The following GATC variants were observed in gnomAD, a reference collection of about 807,000 sequenced individuals.
GATC encodes glutamyl-tRNA amidotransferase subunit C.
Under a neutral mutation model 14.4 loss-of-function variants are expected in GATC, and 11 were observed. That is an observed-to-expected ratio of 0.77 (90% CI 0.48 to 1.27). The LOEUF is 1.27. Among genes scored for constraint, GATC ranks in the 50% most tolerant of loss-of-function variants. The pLI is 0.00. For missense variants in GATC, 204 were observed against 183.0 expected (o/e 1.11, Z -0.66); for synonymous variants, 76 against 79.3 (o/e 0.96, Z 0.22).
At chr12:120,458,097 A>G (rs1041754406) in intron 3 of GATC, among the ~76,000 whole-genome samples, 2 of 138,864 alleles carry the variant, frequency 1.4e-5, no homozygotes, top group Non-Finnish European at 3.2e-5. Context: ...ATATTTCTTA[A>G]ATTTTTTTTT....
intron 2 of GATC, among the ~76,000 whole-genome samples, chr12:120,456,407 T>C (rs970246301): frequency 3.3e-5 from 5 of 152,196 alleles, no homozygotes; most frequent in African/African-American, 1.2e-4. Context: ...GTGTATCAGA[T>C]TGGGCTGAGA....
At chr12:120,451,173 G>A (rs866667904) in intron 2 of GATC, among the ~76,000 whole-genome samples, 3 of 142,222 alleles carry the variant, frequency 2.1e-5, no homozygotes, top group South Asian at 4.5e-4. Context: ...TAGACTGGGC[G>A]CGGTGGCTCA....
Position 120,462,753 on chromosome 12 carries a change from A to T in GATC, c.*2794A>T, listed in dbSNP as rs570172418. ...GGAATTAATAAGCAGCAGAGGAGTC[A>T]TGTCCAGGCTGGCTTGTCCCCAGGC... is the stretch of plus-strand genomic sequence containing the variant. On this transcript the variant is annotated 3_prime_UTR_variant, in exon 4 of 4. Coordinates refer to ENST00000551765, the MANE Select transcript of GATC (RefSeq NM_176818.3). 2 of 152,248 alleles carry T rather than the reference A, an allele frequency of 1.3e-5. No individual in the cohort carries two copies. Among genetic ancestry groups the T allele is most frequent in the Non-Finnish European group, 2.9e-5 (2 of 68,068 alleles). 9.4% of individuals were successfully genotyped at this position (152,248 alleles called of 1,614,324 possible). A position where few individuals can be genotyped will look rare whatever the true frequency, so the allele number is the denominator to read the frequency against.
intron 3 of GATC, 38 bp from the exon 4 acceptor site, chr12:120,459,869 C>G (rs770396038): frequency 6.7e-5 from 104 of 1,560,512 alleles, no homozygotes; most frequent in Non-Finnish European, 8.7e-5. Context: ...CAAAAACAAA[C>G]AAACAAACAA....
intron 3 of GATC, 104 bp from the exon 4 acceptor site, chr12:120,459,803 G>C (rs532310917): frequency 1.3e-6 from 1 of 744,460 alleles, no homozygotes; most frequent in East Asian, 3.2e-5. Context: ...CCTGCAGTGA[G>C]CTGAGATTGC....
intron 3 of GATC, 138 bp downstream of exon 3, chr12:120,457,317 G>T: frequency 1.4e-6 from 1 of 694,548 alleles, no homozygotes. Flanking sequence ...CATTAAGGTG[G>T]CAGTAGGGTC....
intron 2 of GATC, among the ~76,000 whole-genome samples, chr12:120,448,691 G>T (rs1439704159): frequency 7.5e-6 from 1 of 134,014 alleles, no homozygotes; most frequent in Non-Finnish European, 1.5e-5. Context: ...TTCCACCCAG[G>T]CTGGAGTACA....
chr12:120,453,815 CAA>C (rs1194329326), intron 2 of GATC, among the ~76,000 whole-genome samples: 1 of 136,434 alleles, frequency 7.3e-6, no homozygotes, highest in African/African-American at 2.7e-5. Context: ...GACCCTGTCT[CAA>C]AAAAAAAAAG....
rs990905826 is a variant in GATC at position 120,446,901 on chromosome 12, A to T, written c.254+72A>T. ...CAGCCGTTTAATGTGACGATTAGCG[A>T]ACAGTTTTCCAGGGGGTTAAAGAGT... On this transcript the variant is annotated intron_variant, in intron 2 of 3. Coordinates refer to ENST00000551765, the MANE Select transcript of GATC (RefSeq NM_176818.3). The T allele has an allele frequency of 1.6e-5, 23 of 1,445,340 alleles. No homozygotes were observed. The South Asian group carries it at 2.9e-4, about 19-fold the overall frequency. The allele number at this position is 1,445,340 out of a possible 1,614,324, so 89.5% of individuals were successfully genotyped here. A position where few individuals can be genotyped will look rare whatever the true frequency, so the allele number is the denominator to read the frequency against.
At chr12:120,449,170 A>C (rs1877969567) in intron 2 of GATC, among the ~76,000 whole-genome samples, 1 of 151,754 alleles carries the variant, frequency 6.6e-6, no homozygotes, top group Non-Finnish European at 1.5e-5. Context: ...CACCGTAGCC[A>C]AGATGGTCTC....
Position 120,460,259 on chromosome 12 carries a change from AG to A in GATC, c.*302del. On this transcript the variant is annotated 3_prime_UTR_variant, in exon 4 of 4. Transcript: ENST00000551765. ...TTTATCTGCCTTTAACTCCCCCCAA[AG>A]GACCATACCAACTGCATGAAAGTGA... is the stretch of plus-strand genomic sequence containing the variant. 4.2e-6 allele frequency: 1 copy of A among 240,318 alleles called. No individual in the cohort carries two copies. The highest frequency in any genetic ancestry group is 6.7e-5 in the South Asian group (1 of 14,922). The allele number at this position is 240,318 out of a possible 1,614,324, so 14.9% of individuals were successfully genotyped here. A position where few individuals can be genotyped will look rare whatever the true frequency, so the allele number is the denominator to read the frequency against.
chr12:120,446,900 G>C, intron 2 of GATC, 71 bp downstream of exon 2: 1 of 1,447,788 alleles, frequency 6.9e-7, no homozygotes. Context: ...GACGATTAGC[G>C]AACAGTTTTC....
At chr12:120,453,936 T>C (rs565480303) in intron 2 of GATC, among the ~76,000 whole-genome samples, 6 of 152,214 alleles carry the variant, frequency 3.9e-5, no homozygotes, top group African/African-American at 1.2e-4. Context: ...TATGTATGTA[T>C]GTACATACAT....
At chr12:120,458,479 C>G (rs955791718) in intron 3 of GATC, among the ~76,000 whole-genome samples, 9 of 152,224 alleles carry the variant, frequency 5.9e-5, no homozygotes, top group Non-Finnish European at 1.2e-4. Flanking sequence ...CAGGTGCAGT[C>G]TGTGAGCCAT....
intron 2 of GATC, among the ~76,000 whole-genome samples, chr12:120,450,178 GA>G (rs1878002211): frequency 6.6e-6 from 1 of 152,198 alleles, no homozygotes; most frequent in Non-Finnish European, 1.5e-5. Flanking sequence ...ATTAATAAGG[GA>G]AAAGGTCGTG....
At chr12:120,454,209 TG>T (rs1462100977) in intron 2 of GATC, among the ~76,000 whole-genome samples, 1 of 152,154 alleles carries the variant, frequency 6.6e-6, no homozygotes, top group Admixed American at 6.6e-5. Context: ...TGTACTGGGG[TG>T]CACTAAGGCT....
intron 3 of GATC, among the ~76,000 whole-genome samples, chr12:120,458,864 CT>C (rs772768518): frequency 2.0e-5 from 3 of 152,040 alleles, no homozygotes; most frequent in Non-Finnish European, 4.4e-5. Flanking sequence ...GTGAGCTAAA[CT>C]TTTTGTTTGT....
chr12:120,451,875 C>CTTTTTTTTTTTTCTT (rs1592984307), intron 2 of GATC, among the ~76,000 whole-genome samples: 13 of 90,832 alleles, frequency 1.4e-4, no homozygotes, highest in South Asian at 8.3e-4. Flanking sequence ...TATATAAATT[C>CTTTTTTTTTTTTCTT]TTTTTTTTTT....
Position 120,462,112 on chromosome 12 carries a change from G to C in GATC, c.*2153G>C. 1 of 1,612,892 alleles carries C rather than the reference G, an allele frequency of 6.2e-7. No individual in the cohort carries two copies. The highest frequency in any genetic ancestry group is 1.3e-5 in the African/African-American group (1 of 74,974). ...TTGACCCAGACCGAGACCGTGAGTA[G>C]CCATAGCTGGTGCTTCTCTCAGGAT... is the stretch of plus-strand genomic sequence containing the variant. On this transcript the variant is annotated 3_prime_UTR_variant, in exon 4 of 4. Coordinates refer to ENST00000551765, the MANE Select transcript of GATC (RefSeq NM_176818.3).
Sources: allele counts gnomAD v4.1 joint callset (sites outside exome capture counted in the v4.1 genomes callset), GRCh38; gene constraint gnomAD v4.1.1; transcripts MANE v1.5; gene names NCBI Gene and HGNC (gene_info 2026-07-23, HGNC 2026-07-21).